Variants in TNS3 observed in about 807,000 individuals in gnomAD.
TNS3 encodes the protein tensin 3.
In TNS3, 45 loss-of-function variants were observed where a neutral mutation model predicts 140.9. The observed-to-expected ratio is 0.32, with a 90% CI of 0.25 to 0.41. The LOEUF (loss-of-function observed/expected upper bound fraction) is 0.41. TNS3 is among the 10% of genes least tolerant of loss of function. TNS3 has a pLI of 1.00. For missense variants in TNS3, 1,716 were observed against 1,906.7 expected, an observed-to-expected ratio of 0.90 and a Z score of 1.86; for synonymous variants, 815 against 788.4, an observed-to-expected ratio of 1.03 and a Z score of -0.56.
At chr7:47,550,552 C>T (rs1251608765) in intron 1 of TNS3, among the ~76,000 whole-genome samples, 1 of 152,174 alleles carries the variant, frequency 6.6e-6, no homozygotes, top group Non-Finnish European at 1.5e-5. Flanking sequence ...ACATTTGCAG[C>T]AGGGTCTCAA....
At chr7:47,336,004 G>A (rs1055538064) in intron 20 of TNS3, among the ~76,000 whole-genome samples, 7 of 152,120 alleles carry the variant, frequency 4.6e-5, no homozygotes, top group African/African-American at 1.4e-4. Context: ...AGATGCTTCG[G>A]ACAGCAGTTT....
At chr7:47,280,049 G>T in intron 30 of TNS3, 115 bp downstream of exon 30, 1 of 1,214,860 alleles carries the variant, frequency 8.2e-7, no homozygotes, top group Non-Finnish European at 1.2e-6. Context: ...AAAAGAAATT[G>T]GCATGGTGTA....
chr7:47,555,748 T>C (rs1393453911), intron 1 of TNS3, among the ~76,000 whole-genome samples: 2 of 152,280 alleles, frequency 1.3e-5, no homozygotes, highest in African/African-American at 4.8e-5. Context: ...TAACGCATTT[T>C]TAAATTGACA....
Position 47,400,416 on chromosome 7 carries a change from G to C in TNS3, c.896C>G (p.Ser299Cys). Residue 299 changes from serine to cysteine, a missense_variant, in exon 15 of 31, where the codon TCT (serine) becomes TGT (cysteine). This residue lies in a region of TNS3 where 337 missense variants were observed against 428.9 expected (regional missense o/e 0.79). Coordinates refer to ENST00000311160, the MANE Select transcript of TNS3 (RefSeq NM_022748.12). ...PDYGKVELVFSATPEKIQGSE... is the reference protein window; with the variant it reads ...PDYGKVELVFCATPEKIQGSE... ...ACCTTGAATCTTCTCAGGCGTGGCA[G>C]AGAAGACTAATTCAACCTTCCCATA... is the stretch of plus-strand genomic sequence containing the variant. The C allele has an allele frequency of 6.2e-7, 1 of 1,614,142 alleles. No individual in the cohort carries two copies.
chr7:47,531,257 G>A (rs1251022580), intron 1 of TNS3, among the ~76,000 whole-genome samples: 1 of 151,760 alleles, frequency 6.6e-6, no homozygotes, highest in Non-Finnish European at 1.5e-5. Flanking sequence ...GAATCTAAAA[G>A]TTAAAAAAAT....
At chr7:47,358,745 C>T (rs1790149731) in intron 17 of TNS3, among the ~76,000 whole-genome samples, 1 of 152,172 alleles carries the variant, frequency 6.6e-6, no homozygotes, top group African/African-American at 2.4e-5. Context: ...GGAAAAAGAC[C>T]ATGTTGCTTT....
At chr7:47,441,386 C>G in intron 5 of TNS3, among the ~76,000 whole-genome samples, 1 of 152,102 alleles carries the variant, frequency 6.6e-6, no homozygotes, top group Admixed American at 6.6e-5. Context: ...CTGTGTTGGC[C>G]AGGATGGTCT....
chr7:47,484,762 G>T (rs1480723434), intron 3 of TNS3, among the ~76,000 whole-genome samples: 1 of 152,170 alleles, frequency 6.6e-6, no homozygotes, highest in Non-Finnish European at 1.5e-5. Context: ...AGGGAGTAAG[G>T]CACACCTGCT....
In TNS3 at chr7:47,407,431, T is replaced by C. The variant is rs1476054747; in HGVS notation, c.723+4296A>G. Among the ~76,000 whole-genome samples the C allele has an allele frequency of 6.6e-6, 1 of 152,224 alleles. No individual in the cohort carries two copies. The highest frequency in any genetic ancestry group is 2.4e-5 in the African/African-American group (1 of 41,460). On this transcript the variant is annotated intron_variant, in intron 13 of 30. Transcript: ENST00000311160. This position sits in a 1 kb window ranked among gnomAD's most constrained non-coding sequence, Gnocchi z 4.1. The stretch of plus-strand genomic sequence containing the variant: ...AGGAGCCCTGCACTGCCCACTCACG[T>C]GTCCACCGCATCTTCTCATGCAGGC...
intron 16 of TNS3, among the ~76,000 whole-genome samples, chr7:47,375,689 C>T (rs1158427140): frequency 4.6e-5 from 7 of 152,194 alleles, no homozygotes; most frequent in Admixed American, 4.6e-4. Flanking sequence ...CCTTCCATCC[C>T]GGTTGAAAAC....
Position 47,276,116 on chromosome 7 carries a change from T to C in TNS3, c.*1960A>G, listed in dbSNP as rs988591469. On this transcript the variant is annotated 3_prime_UTR_variant, in exon 31 of 31. Coordinates refer to ENST00000311160, the MANE Select transcript of TNS3 (RefSeq NM_022748.12). ...GAAAAACCGAGATGCTAGAGGCCTC[T>C]GCTAAAGACATCAGGGTCAACACAT... The C allele has an allele frequency of 8.1e-6, 2 of 247,306 alleles. No individual in the cohort carries two copies. Among genetic ancestry groups the C allele is most frequent in the African/African-American group, 4.5e-5 (2 of 43,978 alleles). The allele number at this position is 247,306 out of a possible 1,614,324, so 15.3% of individuals were successfully genotyped here. A position where few individuals can be genotyped will look rare whatever the true frequency, so the allele number is the denominator to read the frequency against.
intron 10 of TNS3, among the ~76,000 whole-genome samples, chr7:47,416,956 T>A (rs1388870383): frequency 6.6e-6 from 1 of 152,162 alleles, no homozygotes; most frequent in African/African-American, 2.4e-5. Flanking sequence ...CCTCAGCTCG[T>A]CCAGTTTGTC....
intron 20 of TNS3, among the ~76,000 whole-genome samples, chr7:47,327,540 T>C (rs1788092516): frequency 6.6e-6 from 1 of 152,160 alleles, no homozygotes; most frequent in African/African-American, 2.4e-5. Context: ...CAGGCTCGCT[T>C]TATCAGTTTC....
chr7:47,535,969 G>A (rs1799583559), intron 1 of TNS3, among the ~76,000 whole-genome samples: 1 of 152,212 alleles, frequency 6.6e-6, no homozygotes, highest in Non-Finnish European at 1.5e-5. Flanking sequence ...GAAACCTTCA[G>A]AGGCATTCTG....
chr7:47,318,801 G>A (rs1787559717), intron 20 of TNS3, among the ~76,000 whole-genome samples: 1 of 152,212 alleles, frequency 6.6e-6, no homozygotes, highest in Non-Finnish European at 1.5e-5. Context: ...GCTTCAGGCA[G>A]CTCAAGATGA....
At chr7:47,426,692 T>C (rs1247238359) in intron 9 of TNS3, among the ~76,000 whole-genome samples, 7 of 152,050 alleles carry the variant, frequency 4.6e-5, no homozygotes, top group South Asian at 2.1e-4. Context: ...ATATTGACTA[T>C]TGAGAGAAAA....
At position 47,457,145 on chromosome 7, in the gene TNS3, G is replaced by GGAAGA. The variant is rs1562766223; in HGVS notation, c.-75-15091_-75-15090insTCTTC. On this transcript the variant is annotated intron_variant, in intron 4 of 30. Transcript: ENST00000311160. ...GGGGAGGGGAGGGGAGGAGGGGAGGGGAGGGGAGGGGAAGAGAGGGGAGGG... is the reference window on the plus strand; with the variant it reads ...GGGGAGGGGAGGGGAGGAGGGGAGGGGAAGAGAGGGGAGGGGAAGAGAGGGGAGGG... Among the ~76,000 whole-genome samples the GGAAGA allele has an allele frequency of 9.8e-4, 44 of 44,860 alleles. 3 individuals are homozygous for GGAAGA. Among genetic ancestry groups the GGAAGA allele is most frequent in the African/African-American group, 3.8e-3 (44 of 11,510 alleles). The allele number at this position is 44,860 out of a possible 152,430, so 29.4% of individuals were successfully genotyped here.
intron 16 of TNS3, among the ~76,000 whole-genome samples, chr7:47,378,707 G>A (rs1170007354): frequency 6.6e-6 from 1 of 152,046 alleles, no homozygotes; most frequent in African/African-American, 2.4e-5. Context: ...CACAAGGTTA[G>A]GGGGATTGCA....
chr7:47,517,819 C>A (rs1228348786), intron 2 of TNS3, among the ~76,000 whole-genome samples: 2 of 152,064 alleles, frequency 1.3e-5, no homozygotes, highest in African/African-American at 4.8e-5. Context: ...GTTCCACAGT[C>A]ATTTCTGTAT....
Sources: allele counts gnomAD v4.1 joint callset (sites outside exome capture counted in the v4.1 genomes callset), GRCh38; gene constraint gnomAD v4.1.1; regional missense constraint gnomAD v4.1.1; non-coding constraint Gnocchi (gnomAD v3.1); transcripts MANE v1.5; gene names NCBI Gene and HGNC (gene_info 2026-07-23, HGNC 2026-07-21).